Variants in OXCT1 observed in about 807,000 individuals in gnomAD.
OXCT1 encodes succinyl-CoA:3-ketoacid coenzyme A transferase 1, mitochondrial.
In OXCT1, 27 loss-of-function variants were observed where a neutral mutation model predicts 69.6. The ratio of observed to expected loss-of-function variants is 0.39; its 90% CI spans 0.29 to 0.54. OXCT1 has a LOEUF of 0.54. OXCT1 is among the 20% of genes least tolerant of loss of function. OXCT1 has a pLI of 0.72. For synonymous variants in OXCT1, 202 were observed against 217.8 expected (o/e 0.93, Z 0.64); for missense variants, 437 against 650.2 (o/e 0.67, Z 3.57).
intron 15 of OXCT1, among the ~76,000 whole-genome samples, chr5:41,748,015 T>G (rs898433468): frequency 2.0e-5 from 3 of 152,106 alleles, no homozygotes; most frequent in Non-Finnish European, 4.4e-5. Flanking sequence ...AGACTCTGCC[T>G]TCCTCCTTTC....
At chr5:41,798,505 A>G (rs1746282180) in intron 11 of OXCT1, among the ~76,000 whole-genome samples, 1 of 152,134 alleles carries the variant, frequency 6.6e-6, no homozygotes, top group African/African-American at 2.4e-5. Context: ...ACAATCAAAA[A>G]TGTCCTCAGA....
chr5:41,745,544 C>CT (rs1245220164), intron 15 of OXCT1, among the ~76,000 whole-genome samples: 4 of 152,092 alleles, frequency 2.6e-5, no homozygotes, highest in African/African-American at 7.2e-5. Flanking sequence ...CAAGAAATAA[C>CT]TAAGATCAGA....
intron 16 of OXCT1, among the ~76,000 whole-genome samples, chr5:41,738,054 T>TA (rs1018483480): frequency 3.7e-4 from 55 of 149,168 alleles, no homozygotes; most frequent in Non-Finnish European, 6.1e-4. Flanking sequence ...GACTCCGTCT[T>TA]AAAAAAAAAA....
At chr5:41,809,162 A>G (rs1195547138) in intron 7 of OXCT1, among the ~76,000 whole-genome samples, 1 of 152,086 alleles carries the variant, frequency 6.6e-6, no homozygotes, top group African/African-American at 2.4e-5. Flanking sequence ...TTTGGGATAG[A>G]CAATTATTTA....
chr5:41,736,002 C>T (rs907711886), intron 16 of OXCT1, among the ~76,000 whole-genome samples: 11 of 152,200 alleles, frequency 7.2e-5, no homozygotes, highest in Admixed American at 2.0e-4. Flanking sequence ...GGGTTCACAA[C>T]TGAAAAGCCT....
At chr5:41,806,595 T>A (rs936664851) in intron 8 of OXCT1, among the ~76,000 whole-genome samples, 2 of 152,074 alleles carry the variant, frequency 1.3e-5, no homozygotes, top group African/African-American at 4.8e-5. Context: ...ACGAGCTGGT[T>A]GTCTAAAGGA....
intron 13 of OXCT1, among the ~76,000 whole-genome samples, chr5:41,790,063 A>T (rs554146852): frequency 6.6e-6 from 1 of 152,308 alleles, no homozygotes; most frequent in South Asian, 2.1e-4. Flanking sequence ...GGAAAAAAAT[A>T]AAAAAACACC....
At chr5:41,737,870 A>G in intron 16 of OXCT1, among the ~76,000 whole-genome samples, 1 of 152,224 alleles carries the variant, frequency 6.6e-6, no homozygotes, top group East Asian at 1.9e-4. Flanking sequence ...CCTGGCTAGC[A>G]CGGTGAAACC....
intron 13 of OXCT1, among the ~76,000 whole-genome samples, chr5:41,764,229 T>C (rs1220654915): frequency 1.1e-4 from 17 of 152,138 alleles, no homozygotes; most frequent in Non-Finnish European, 2.9e-5. Context: ...ATCTAGCCTG[T>C]TAACTATGAG....
chr5:41,744,793 C>G (rs1450337252), intron 15 of OXCT1, among the ~76,000 whole-genome samples: 1 of 152,030 alleles, frequency 6.6e-6, no homozygotes, highest in Non-Finnish European at 1.5e-5. Context: ...ATAAAACAGA[C>G]TTTAAGCCAA....
At chr5:41,774,755 C>T (rs564311309) in intron 13 of OXCT1, among the ~76,000 whole-genome samples, 2 of 151,954 alleles carry the variant, frequency 1.3e-5, no homozygotes. Context: ...ATTAGCCGGG[C>T]GTGGCGGCAT....
chr5:41,812,930 C>G (rs538315394), intron 7 of OXCT1, among the ~76,000 whole-genome samples: 1 of 152,024 alleles, frequency 6.6e-6, no homozygotes, highest in East Asian at 1.9e-4. Flanking sequence ...CAAATATACT[C>G]CTTTCCAAAA....
intron 13 of OXCT1, among the ~76,000 whole-genome samples, chr5:41,781,714 TCTGTTCCTGCGTTAGTTTG>T (rs1468864703): frequency 2.6e-5 from 4 of 152,232 alleles, no homozygotes; most frequent in African/African-American, 9.6e-5. Context: ...TGTTTGGTTT[TCTGTTCCTGCGTTAGTTTG>T]CTGAGGATAA....
Position 41,870,255 on chromosome 5 carries a change from G to T in OXCT1, c.78+26C>A. 1 of 1,588,086 alleles carries T rather than the reference G, an allele frequency of 6.3e-7. No homozygotes were observed. The highest frequency in any genetic ancestry group is 8.6e-7 in the Non-Finnish European group (1 of 1,156,582). On this transcript the variant is annotated intron_variant, in intron 1 of 16. Transcript: ENST00000196371. The surrounding 1 kb of genome is among the most constrained non-coding windows in gnomAD (Gnocchi z 4.2). The stretch of plus-strand genomic sequence containing the variant: ...TTTGGTCCACGTTCTTCCTGCCCAT[G>T]GCCTTCCTCTTCCCCCGCACTTTAC...
intron 14 of OXCT1, among the ~76,000 whole-genome samples, chr5:41,753,090 TAA>T (rs1743874262): frequency 6.6e-6 from 1 of 152,138 alleles, no homozygotes; most frequent in Admixed American, 6.6e-5. Context: ...ATCATAACAA[TAA>T]GTTTCATGTT....
chr5:41,751,201 C>G (rs928063423), intron 14 of OXCT1, among the ~76,000 whole-genome samples: 5 of 152,046 alleles, frequency 3.3e-5, no homozygotes, highest in Non-Finnish European at 7.4e-5. Context: ...TAATATAAAT[C>G]AAGGCATGTC....
At chr5:41,756,627 C>T (rs778442728) in intron 14 of OXCT1, among the ~76,000 whole-genome samples, 1 of 152,192 alleles carries the variant, frequency 6.6e-6, no homozygotes, top group African/African-American at 2.4e-5. Flanking sequence ...TGTATTGAGC[C>T]ATGATGTACA....
chr5:41,746,131 C>T (rs1013486523), intron 15 of OXCT1, among the ~76,000 whole-genome samples: 18 of 152,130 alleles, frequency 1.2e-4, no homozygotes, highest in African/African-American at 4.3e-4. Context: ...CCCTGATGAA[C>T]ATCGATGCAA....
chr5:41,847,355 G>A (rs1241599185), intron 5 of OXCT1, among the ~76,000 whole-genome samples: 1 of 152,050 alleles, frequency 6.6e-6, no homozygotes, highest in East Asian at 1.9e-4. Flanking sequence ...AGAGGTACAA[G>A]GAGGAACTGG....
Sources: allele counts gnomAD v4.1 joint callset (sites outside exome capture counted in the v4.1 genomes callset), GRCh38; gene constraint gnomAD v4.1.1; non-coding constraint Gnocchi (gnomAD v3.1); transcripts MANE v1.5; gene names NCBI Gene and HGNC (gene_info 2026-07-23, HGNC 2026-07-21).